MKNK2: variants seen among roughly 807,000 people sequenced by gnomAD.
The protein encoded by MKNK2 is MAP kinase-interacting serine/threonine-protein kinase 2.
Under a neutral mutation model 55.0 loss-of-function variants are expected in MKNK2, and 54 were observed. That is an observed-to-expected ratio of 0.98 (90% CI 0.79 to 1.23). The LOEUF (loss-of-function observed/expected upper bound fraction) is 1.23. Ranked by LOEUF, MKNK2 falls within the 50% of genes most tolerant of loss-of-function variation. MKNK2 has a pLI of 0.00. For synonymous variants in MKNK2, 323 were observed against 256.0 expected (o/e 1.26, Z -2.50); for missense variants, 685 against 632.1 (o/e 1.08, Z -0.90).
chr19:2,046,324 T>C (rs779705885), intron 4 of MKNK2, 41 bp from the exon 5 acceptor site: 1 of 1,603,664 alleles, frequency 6.2e-7, no homozygotes, highest in East Asian at 2.2e-5. Flanking sequence ...ACCCTGGCTT[T>C]TCCCCGCTCC....
chr19:2,046,925 C>T (rs1260386617), intron 2 of MKNK2, among the ~76,000 whole-genome samples: 1 of 152,228 alleles, frequency 6.6e-6, no homozygotes, highest in East Asian at 1.9e-4. Flanking sequence ...TTCACCTCCT[C>T]GCTGCCCCAC....
chr19:2,050,117 C>A (rs960450765), intron 2 of MKNK2, among the ~76,000 whole-genome samples: 1 of 152,186 alleles, frequency 6.6e-6, no homozygotes, highest in Admixed American at 6.5e-5. Flanking sequence ...ACCTGCCCTC[C>A]CCTTCCCCCC....
At position 2,039,333 on chromosome 19, in the gene MKNK2, G is replaced by A; in HGVS notation, c.*280C>T. On this transcript the variant is annotated 3_prime_UTR_variant, in exon 14 of 14. Coordinates refer to ENST00000250896, the MANE Select transcript of MKNK2 (RefSeq NM_199054.3). ...AGAGGTGAGCAGGGCGGGGGACCGG[G>A]GAGGGGACAAGCCCACCCACCTACC... 1 of 1,320,098 alleles carries A rather than the reference G, an allele frequency of 7.6e-7. No individual in the cohort carries two copies. Among genetic ancestry groups the A allele is most frequent in the Non-Finnish European group, 9.7e-7 (1 of 1,032,732 alleles). The allele number at this position is 1,320,098 out of a possible 1,614,324, so 81.8% of individuals were successfully genotyped here.
At chr19:2,050,019 G>A (rs888981791) in intron 2 of MKNK2, among the ~76,000 whole-genome samples, 2 of 152,168 alleles carry the variant, frequency 1.3e-5, no homozygotes, top group African/African-American at 2.4e-5. Flanking sequence ...CCAGTGAAGC[G>A]ATTACATAAC....
intron 12 of MKNK2, 73 bp from the exon 13 acceptor site, chr19:2,040,250 G>A (rs2016847469): frequency 7.9e-7 from 1 of 1,259,946 alleles, no homozygotes; most frequent in Admixed American, 2.6e-5. Flanking sequence ...GGGGTGTCTG[G>A]CCAAGGGATG....
rs2016822434 is a variant in MKNK2 at position 2,039,349 on chromosome 19, C to T, written c.*264G>A. The stretch of plus-strand genomic sequence containing the variant: ...GGGGACCGGGGAGGGGACAAGCCCA[C>T]CCACCTACCCTCTGCTCACCTTCCC... On this transcript the variant is annotated 3_prime_UTR_variant, in exon 14 of 14. Transcript: ENST00000250896. The T allele has an allele frequency of 7.5e-7, 1 of 1,341,002 alleles. No individual in the cohort carries two copies. The highest frequency in any genetic ancestry group is 2.9e-4 in the Middle Eastern group (1 of 3,502). The allele number at this position is 1,341,002 out of a possible 1,614,324, so 83.1% of individuals were successfully genotyped here.
intron 2 of MKNK2, among the ~76,000 whole-genome samples, chr19:2,049,376 G>C (rs948821800): frequency 6.6e-6 from 1 of 152,198 alleles, no homozygotes. Flanking sequence ...TGGGGGCTGT[G>C]GGGGGAGATT....
chr19:2,045,480 C>T (rs1186101549), intron 5 of MKNK2, among the ~76,000 whole-genome samples: 1 of 152,122 alleles, frequency 6.6e-6, no homozygotes, highest in Non-Finnish European at 1.5e-5. Flanking sequence ...ACTGTGGTCC[C>T]AGCACCTAGC....
intron 2 of MKNK2, among the ~76,000 whole-genome samples, chr19:2,050,010 C>A (rs1361275467): frequency 6.6e-6 from 1 of 152,214 alleles, no homozygotes. Context: ...CAAGGAAGCC[C>A]AGTGAAGCGA....
intron 6 of MKNK2, 121 bp downstream of exon 6, chr19:2,043,382 A>G (rs1599382023): frequency 9.3e-7 from 1 of 1,074,770 alleles, no homozygotes; most frequent in Non-Finnish European, 1.4e-6. Context: ...CAGGGAGGGG[A>G]ATGCAGGGCC....
In MKNK2 at chr19:2,039,752, C is replaced by T. The variant is rs759180390; in HGVS notation, c.1259G>A (p.Gly420Glu). 5 of 1,609,716 alleles carry T rather than the reference C, an allele frequency of 3.1e-6. No homozygotes were observed. Among genetic ancestry groups the T allele is most frequent in the Non-Finnish European group, 4.2e-6 (5 of 1,179,756 alleles). ...TCGGACCAGGACGGGCTGGCCCTGC[C>T]CCGCGGCCTCCTCCTCAGCCAGGTC... is the stretch of plus-strand genomic sequence containing the variant. Reference protein sequence around the residue: ...DEDLAEEEAAGQGQPVLVRAT... With the variant: ...DEDLAEEEAAEQGQPVLVRAT... The change falls in exon 14 of 14, where the codon GGG becomes GAG. Residue 420 changes from glycine (G) to glutamate (E), a missense_variant. Coordinates refer to ENST00000250896, the MANE Select transcript of MKNK2 (RefSeq NM_199054.3).
In MKNK2 at chr19:2,038,112, A is replaced by C. The variant is rs1255340524; in HGVS notation, c.*1501T>G. The C allele has an allele frequency of 9.1e-7, 1 of 1,102,236 alleles. No individual in the cohort carries two copies. The highest frequency in any genetic ancestry group is 1.6e-5 in the African/African-American group (1 of 60,748). 68.3% of individuals were successfully genotyped at this position (1,102,236 alleles called of 1,614,324 possible). Reference sequence around the variant, plus strand: ...GGGAAGGCAGAGCACCCCCACGGCCACCGGACTGTGACCATCATACGAGAT... The same window carrying C: ...GGGAAGGCAGAGCACCCCCACGGCCCCCGGACTGTGACCATCATACGAGAT... On this transcript the variant is annotated 3_prime_UTR_variant, in exon 14 of 14. Coordinates refer to ENST00000250896, the MANE Select transcript of MKNK2 (RefSeq NM_199054.3).
rs1490549769 is a variant in MKNK2, at chr19:2,039,458, A to C, written c.*155T>G. 3 of 1,400,874 alleles carry C rather than the reference A, an allele frequency of 2.1e-6. No individual in the cohort carries two copies. The East Asian group carries it at 7.6e-5, about 36-fold the overall frequency. 86.8% of individuals were successfully genotyped at this position (1,400,874 alleles called of 1,614,324 possible). On this transcript the variant is annotated 3_prime_UTR_variant, in exon 14 of 14. Transcript: ENST00000250896. ...AGGAAAAAAAAAACCCAAAAGCAAAAACCTTCTATAAAACACCCCCCTCAG... is the reference window on the plus strand; with the variant it reads ...AGGAAAAAAAAAACCCAAAAGCAAACACCTTCTATAAAACACCCCCCTCAG...
chr19:2,050,172 C>A (rs2017083775), intron 2 of MKNK2, among the ~76,000 whole-genome samples: 2 of 152,190 alleles, frequency 1.3e-5, no homozygotes, highest in Admixed American at 1.3e-4. Context: ...CAGTCACCAC[C>A]CGGGCTGCGC....
chr19:2,045,658 C>T (rs888750129), intron 5 of MKNK2, among the ~76,000 whole-genome samples: 2 of 152,162 alleles, frequency 1.3e-5, no homozygotes, highest in South Asian at 2.1e-4. Flanking sequence ...CCACCCAGCC[C>T]GGGAGCCGGA....
chr19:2,042,989 C>G lies in MKNK2; in HGVS notation c.494-119G>C, dbSNP rs936087892. Reference sequence around the variant, plus strand: ...GCCCCCACACTGGCTTCCTCCAGCACAAAGGCCTCACCCCTGAGCCACCAT... The same window carrying G: ...GCCCCCACACTGGCTTCCTCCAGCAGAAAGGCCTCACCCCTGAGCCACCAT... On this transcript the variant is annotated intron_variant, in intron 7 of 13. Transcript: ENST00000250896. 3 of 1,317,058 alleles carry G rather than the reference C, an allele frequency of 2.3e-6. No individual in the cohort carries two copies. The African/African-American group carries it at 4.4e-5, about 19-fold the overall frequency. 81.6% of individuals were successfully genotyped at this position (1,317,058 alleles called of 1,614,324 possible).
chr19:2,046,433 C>T lies in MKNK2; in HGVS notation c.175G>A (p.Ala59Thr), dbSNP rs375811870. 52 of 1,609,260 alleles carry T rather than the reference C, an allele frequency of 3.2e-5. No homozygotes were observed. Among genetic ancestry groups the T allele is most frequent in the African/African-American group, 6.7e-5 (5 of 74,910 alleles). Reference protein sequence around the residue: ...PASQPIDIPDAKKRGKKKKRG... With the variant: ...PASQPIDIPDTKKRGKKKKRG... ...TTCTTCTTCTTGCCCCTCTTCTTGG[C>T]GTCCGGGATGTCAATGGGCTGGCTG... is the stretch of plus-strand genomic sequence containing the variant. Residue 59 changes from alanine to threonine, a missense_variant, in exon 4 of 14, where the codon GCC becomes ACC. By Grantham distance (58) the Ala-to-Thr change is moderately conservative. Coordinates refer to ENST00000250896, the MANE Select transcript of MKNK2 (RefSeq NM_199054.3).
In MKNK2 at chr19:2,038,603, G is replaced by A; in HGVS notation, c.*1010C>T. On this transcript the variant is annotated 3_prime_UTR_variant, in exon 14 of 14. Transcript: ENST00000250896. Reference sequence around the variant, plus strand: ...GGGGTGAGGATTCGGCCAGACCCCGGGGTCTGGGCTCAGCTCTAAGGACAA... The same window carrying A: ...GGGGTGAGGATTCGGCCAGACCCCGAGGTCTGGGCTCAGCTCTAAGGACAA... 1.0e-6 allele frequency: 1 copy of A among 985,422 alleles called. No individual in the cohort carries two copies. 61.0% of individuals were successfully genotyped at this position (985,422 alleles called of 1,614,324 possible).
intron 2 of MKNK2, among the ~76,000 whole-genome samples, chr19:2,049,247 C>T (rs190386965): frequency 3.9e-5 from 6 of 152,322 alleles, no homozygotes; most frequent in South Asian, 2.1e-4. Context: ...TTCCCATCTG[C>T]GAACGGAAAG....
Sources: allele counts gnomAD v4.1 joint callset (sites outside exome capture counted in the v4.1 genomes callset), GRCh38; gene constraint gnomAD v4.1.1; transcripts MANE v1.5; gene names NCBI Gene and HGNC (gene_info 2026-07-23, HGNC 2026-07-21).